Variants in WTAP observed in about 807,000 individuals in gnomAD.
WTAP encodes pre-mRNA-splicing regulator WTAP.
Under a neutral mutation model 50.0 loss-of-function variants are expected in WTAP, and 8 were observed. That is an observed-to-expected ratio of 0.16 (90% CI 0.09 to 0.29). The LOEUF (loss-of-function observed/expected upper bound fraction) is 0.29, where lower values mean the gene tolerates loss of function less well. Ranked by LOEUF, WTAP falls within the 10% of genes least tolerant of loss-of-function variation. The pLI is 1.00. For missense variants in WTAP, 295 were observed against 470.7 expected (o/e 0.63, Z 3.45); for synonymous variants, 194 against 169.0 (o/e 1.15, Z -1.15).
chr6:159,737,955 C>T (rs1231245482), intron 2 of WTAP, among the ~76,000 whole-genome samples: 3 of 152,156 alleles, frequency 2.0e-5, no homozygotes, highest in South Asian at 2.1e-4. Context: ...AATAAATGTA[C>T]AGAGAGGTTC....
chr6:159,753,613 TG>T lies in WTAP; in HGVS notation c.607+1del. ...YSEELKSSQD[E>X]LNDFIIQLDE... ...GTGAGGAGCTTAAAAGCAGTCAGGATGGTAAGGGGTTTGTTTCTTTTTGGAA... is the reference window on the plus strand; with the variant it reads ...GTGAGGAGCTTAAAAGCAGTCAGGATGTAAGGGGTTTGTTTCTTTTTGGAA... On this transcript the variant is annotated frameshift_variant and splice_region_variant, in exon 7 of 8. Transcript: ENST00000621533. LOFTEE classifies it high-confidence loss of function. The T allele has an allele frequency of 6.3e-7, 1 of 1,599,034 alleles. No homozygotes were observed.
At chr6:159,729,258 A>G (rs1408510195) in intron 1 of WTAP, among the ~76,000 whole-genome samples, 1 of 152,224 alleles carries the variant, frequency 6.6e-6, no homozygotes, top group Admixed American at 6.5e-5. Context: ...GTTAGTTAGT[A>G]GGTCCTTCAG....
chr6:159,736,501 A>G (rs1008804058), intron 2 of WTAP: 4 of 425,046 alleles, frequency 9.4e-6, no homozygotes, highest in African/African-American at 4.0e-5. Context: ...GAATATTTTC[A>G]GATTTTGGAA....
Position 159,748,260 on chromosome 6 carries a change from C to G in WTAP, c.343C>G (p.Pro115Ala). 1 of 1,613,958 alleles carries G rather than the reference C, an allele frequency of 6.2e-7. No homozygotes were observed. The highest frequency in any genetic ancestry group is 8.5e-7 in the Non-Finnish European group (1 of 1,179,958). Residue 115 changes from proline to alanine, a missense_variant, in exon 6 of 8, where the codon CCA becomes GCA. Coordinates refer to ENST00000621533, the MANE Select transcript of WTAP (RefSeq NM_001270531.2). This position sits in a 1 kb window ranked among gnomAD's most constrained non-coding sequence, Gnocchi z 5.6. ...CCAACTGAGATCAACAATGGTAGAC[C>G]CAGCGATCAACTTGTTTTTCCTAAA... ...VAQLRSTMVD[P>A]AINLFFLKMK...
intron 5 of WTAP, among the ~76,000 whole-genome samples, chr6:159,747,438 C>T (rs1302269740): frequency 6.6e-6 from 1 of 152,078 alleles, no homozygotes; most frequent in Non-Finnish European, 1.5e-5. Flanking sequence ...GAGTTACTTT[C>T]CAGCTTTACA....
chr6:159,732,265 G>A (rs113194540), intron 1 of WTAP, among the ~76,000 whole-genome samples: 5,590 of 152,196 alleles, frequency 0.037, 121 homozygotes, highest in Non-Finnish European at 0.054. Flanking sequence ...ATATTGAACA[G>A]CATCCATGAT....
rs188328898 is a variant in WTAP, at chr6:159,743,487, C to G, written c.146-178C>G. 3.7e-3 allele frequency among the ~76,000 whole-genome samples: 566 copies of G among 152,340 alleles called. 3 individuals are homozygous for G. The highest frequency in any genetic ancestry group is 0.013 in the African/African-American group (531 of 41,570). On this transcript the variant is annotated intron_variant, in intron 4 of 7. Transcript: ENST00000621533. ...AGTTAGTAGTCATGGAGCACTATGACACCATTGTCTCCTAAAGGAGCTCTC... is the reference window on the plus strand; with the variant it reads ...AGTTAGTAGTCATGGAGCACTATGAGACCATTGTCTCCTAAAGGAGCTCTC...
intron 5 of WTAP, among the ~76,000 whole-genome samples, chr6:159,747,550 A>T (rs1030110643): frequency 1.3e-5 from 2 of 152,072 alleles, no homozygotes; most frequent in African/African-American, 4.8e-5. Context: ...TGTAACAGCA[A>T]CTCTTGTAGC....
intron 6 of WTAP, among the ~76,000 whole-genome samples, chr6:159,751,398 C>G (rs1301441786): frequency 5.3e-5 from 8 of 152,162 alleles, no homozygotes; most frequent in Non-Finnish European, 1.0e-4. Flanking sequence ...GTTGTAAACA[C>G]CAATGAAATA....
At chr6:159,727,350 G>C (rs1057126473), upstream of WTAP, 1 of 1,258,388 alleles carries the variant, frequency 7.9e-7, no homozygotes, top group Non-Finnish European at 1.0e-6. Flanking sequence ...GGGCCAGAAG[G>C]CGAACATGGC....
At chr6:159,733,497 C>T (rs1369889939) in intron 1 of WTAP, among the ~76,000 whole-genome samples, 2 of 152,064 alleles carry the variant, frequency 1.3e-5, no homozygotes, top group African/African-American at 2.4e-5. Context: ...TGGCACATGC[C>T]TGTAGTCCCA....
chr6:159,727,290 C>T (rs1482785450), upstream of WTAP: 21 of 1,281,688 alleles, frequency 1.6e-5, no homozygotes, highest in South Asian at 1.9e-4. Context: ...CGGGGTTCGG[C>T]GGCGGGCGAG....
At chr6:159,752,826 A>G (rs888615585) in intron 6 of WTAP, among the ~76,000 whole-genome samples, 41 of 152,286 alleles carry the variant, frequency 2.7e-4, no homozygotes, top group African/African-American at 9.4e-4. Context: ...CACAGCGTCA[A>G]CCACTTGGGC....
At chr6:159,733,289 G>A (rs922372514) in intron 1 of WTAP, among the ~76,000 whole-genome samples, 50 of 152,314 alleles carry the variant, frequency 3.3e-4, no homozygotes, top group African/African-American at 1.2e-3. Flanking sequence ...AAATACTGAG[G>A]TTTTTATCTG....
Position 159,740,773 on chromosome 6 carries a change from G to A in WTAP, c.87-1315G>A, listed in dbSNP as rs543753275. ...GGCTGGAATGCAGTTGCGCGATCTC[G>A]GCTCACTGCAACCGCCGCCTCCCGG... On this transcript the variant is annotated intron_variant, in intron 3 of 7. Coordinates refer to ENST00000621533, the MANE Select transcript of WTAP (RefSeq NM_001270531.2). Among the ~76,000 whole-genome samples, 20 of 149,566 alleles carry A rather than the reference G, an allele frequency of 1.3e-4. No individual in the cohort carries two copies. In the South Asian group the frequency reaches 1.5e-3, roughly 11 times the overall value.
At position 159,755,397 on chromosome 6, in the gene WTAP, G is replaced by C. The variant is rs777068927; in HGVS notation, c.977G>C (p.Ser326Thr). ...SSEERTGRGG[S>T]GYVNQLSAGY... ...GAGGAGAGAACTGGCAGAGGAGGTA[G>C]TGGTTACGTAAATCAACTCAGTGCG... The change falls in exon 8 of 8, where the codon AGT (serine) becomes ACT (threonine). Residue 326 changes from serine to threonine, a missense_variant. This residue lies in a region of WTAP where 175 missense variants were observed against 183.1 expected (regional missense o/e 0.96). Coordinates refer to ENST00000621533, the MANE Select transcript of WTAP (RefSeq NM_001270531.2). 1.2e-6 allele frequency: 2 copies of C among 1,614,110 alleles called. No individual in the cohort carries two copies. Among genetic ancestry groups the C allele is most frequent in the Non-Finnish European group, 1.7e-6 (2 of 1,180,050 alleles).
rs1583102566 is a variant in WTAP at position 159,748,806 on chromosome 6, T to C, written c.452+437T>C. ...TTGAACATGTAAAATTCCAGTAAAA[T>C]GTAAAAACGGAATATGCATCGCTCT... On this transcript the variant is annotated intron_variant, in intron 6 of 7. Coordinates refer to ENST00000621533, the MANE Select transcript of WTAP (RefSeq NM_001270531.2). The surrounding 1 kb of genome is among the most constrained non-coding windows in gnomAD (Gnocchi z 5.6). The C allele has an allele frequency of 1.6e-6, 2 of 1,232,488 alleles. No homozygotes were observed. The highest frequency in any genetic ancestry group is 6.3e-5 in the East Asian group (2 of 31,780). The allele number at this position is 1,232,488 out of a possible 1,614,324, so 76.3% of individuals were successfully genotyped here. A position where few individuals can be genotyped will look rare whatever the true frequency, so the allele number is the denominator to read the frequency against.
chr6:159,740,984 G>A (rs1779224366), intron 3 of WTAP, among the ~76,000 whole-genome samples: 1 of 152,092 alleles, frequency 6.6e-6, no homozygotes, highest in African/African-American at 2.4e-5. Flanking sequence ...TTACAGGCAC[G>A]AGCCTTTTTG....
intron 1 of WTAP, among the ~76,000 whole-genome samples, chr6:159,733,577 G>T (rs1221839558): frequency 6.6e-6 from 1 of 150,706 alleles, no homozygotes; most frequent in Non-Finnish European, 1.5e-5. Flanking sequence ...AGCCATCATC[G>T]CACCACTGCA....
Sources: allele counts gnomAD v4.1 joint callset (sites outside exome capture counted in the v4.1 genomes callset), GRCh38; gene constraint gnomAD v4.1.1; regional missense constraint gnomAD v4.1.1; non-coding constraint Gnocchi (gnomAD v3.1); transcripts MANE v1.5; gene names NCBI Gene and HGNC (gene_info 2026-07-23, HGNC 2026-07-21).